The following AMD1 variants were observed in gnomAD, a reference collection of about 807,000 sequenced individuals.
The protein encoded by AMD1 is S-adenosylmethionine decarboxylase proenzyme.
AMD1 carries 11 observed loss-of-function variants against 40.2 expected under a neutral mutation model. The ratio of observed to expected loss-of-function variants is 0.27; its 90% CI spans 0.17 to 0.45. The LOEUF is 0.45. Among genes scored for constraint, AMD1 ranks in the 20% least tolerant of loss-of-function variants. The probability of loss-of-function intolerance (pLI) is 1.00; values close to 1 mark genes in which losing one functional copy is unlikely to be tolerated. For missense variants in AMD1, 257 were observed against 410.2 expected, an observed-to-expected ratio of 0.63 and a Z score of 3.23; for synonymous variants, 121 against 130.8, an observed-to-expected ratio of 0.93 and a Z score of 0.51.
chr6:110,868,145 A>C, the AMD1 span, among the ~76,000 whole-genome samples: 2 of 150,538 alleles, frequency 1.3e-5, no homozygotes, highest in Non-Finnish European at 3.0e-5. Flanking sequence ...TATTTATTTT[A>C]TTATTATTAT....
the AMD1 span, among the ~76,000 whole-genome samples, chr6:110,852,731 T>G: frequency 1.3e-5 from 2 of 152,224 alleles, no homozygotes; most frequent in East Asian, 1.9e-4. Flanking sequence ...AACAAACTTC[T>G]TATGCAAACC....
At chr6:110,814,752 T>G in the AMD1 span, 1 of 639,718 alleles carries the variant, frequency 1.6e-6, no homozygotes, top group East Asian at 3.2e-5. Flanking sequence ...CTCCGAGCAC[T>G]CGGAGGGCGC....
chr6:110,825,386 G>C, the AMD1 span, among the ~76,000 whole-genome samples: 18 of 152,124 alleles, frequency 1.2e-4, 1 homozygote, highest in Non-Finnish European at 2.4e-4. Context: ...CATTTATCAA[G>C]ATCAAATGAT....
Position 110,895,697 on chromosome 6 carries a change from C to A in AMD1, c.*2081C>A, listed in dbSNP as rs1209527923. 1 of 152,582 alleles carries A rather than the reference C, an allele frequency of 6.6e-6. No individual in the cohort carries two copies. The highest frequency in any genetic ancestry group is 6.6e-5 in the Admixed American group (1 of 15,264). 9.5% of individuals were successfully genotyped at this position (152,582 alleles called of 1,614,324 possible). On this transcript the variant is annotated 3_prime_UTR_variant, in exon 9 of 9. Transcript: ENST00000368885. ...TACGCTTCAATAAAAGTTTAATTGTCTAGTGACATTCAGAAACTTTTCTGT... is the reference window on the plus strand; with the variant it reads ...TACGCTTCAATAAAAGTTTAATTGTATAGTGACATTCAGAAACTTTTCTGT...
rs763764381 is a variant in AMD1, at chr6:110,893,531, G to C, written c.920G>C (p.Arg307Pro). ...CCCCAGAAGATTGAAGGTTTTAAGC[G>C]TCTTGATTGCCAGAGTGCTATGTTC... The part of the protein sequence containing the change: ...ASPQKIEGFK[R>P]LDCQSAMFND... Residue 307 changes from arginine (R) to proline (P), a missense_variant, in exon 9 of 9, where the codon CGT (arginine) becomes CCT (proline). Arg to Pro is a moderately radical substitution (Grantham distance 103). Around this residue, in one of 3 missense-constraint regions of AMD1, gnomAD observed 192 missense variants for 296.5 expected, o/e 0.65. Coordinates refer to ENST00000368885, the MANE Select transcript of AMD1 (RefSeq NM_001634.6). 8.1e-6 allele frequency: 13 copies of C among 1,613,992 alleles called. No homozygotes were observed. The East Asian group carries it at 2.7e-4, about 33-fold the overall frequency.
chr6:110,861,764 C>T, the AMD1 span, among the ~76,000 whole-genome samples: 45 of 152,052 alleles, frequency 3.0e-4, no homozygotes, highest in African/African-American at 1.1e-3. Context: ...ATTGCTTGAA[C>T]CTGGGAGGCT....
chr6:110,882,751 G>T (rs1410834946), intron 1 of AMD1, among the ~76,000 whole-genome samples: 1 of 152,172 alleles, frequency 6.6e-6, no homozygotes. Flanking sequence ...GAAAAATTCT[G>T]ATTACCGGAG....
chr6:110,887,146 G>A (rs531429397), intron 1 of AMD1, among the ~76,000 whole-genome samples: 38 of 151,788 alleles, frequency 2.5e-4, no homozygotes, highest in Non-Finnish European at 4.9e-4. Flanking sequence ...TTTTTTAAGT[G>A]TTTCTTAAGG....
chr6:110,842,182 G>C, the AMD1 span, among the ~76,000 whole-genome samples: 1 of 152,144 alleles, frequency 6.6e-6, no homozygotes, highest in African/African-American at 2.4e-5. Context: ...GAGTGTTCAT[G>C]AGTCTCTCAC....
At chr6:110,882,519 T>A (rs961299654) in intron 1 of AMD1, among the ~76,000 whole-genome samples, 5 of 152,214 alleles carry the variant, frequency 3.3e-5, no homozygotes, top group African/African-American at 1.2e-4. Flanking sequence ...ATAGAAATAA[T>A]TTGTGCTGAA....
chr6:110,887,643 T>G, intron 2 of AMD1, 52 bp downstream of exon 2: 2 of 1,288,398 alleles, frequency 1.6e-6, no homozygotes, highest in Non-Finnish European at 2.2e-6. Flanking sequence ...CTAATCATAA[T>G]GTGAAACAGT....
chr6:110,870,706 T>A (rs1784900223), upstream of AMD1, among the ~76,000 whole-genome samples: 1 of 152,210 alleles, frequency 6.6e-6, no homozygotes, highest in Admixed American at 6.5e-5. Context: ...TTTGTTCCTT[T>A]CTTTTTTTCC....
At chr6:110,885,247 G>T (rs1785617533) in intron 1 of AMD1, among the ~76,000 whole-genome samples, 1 of 152,056 alleles carries the variant, frequency 6.6e-6, no homozygotes, top group African/African-American at 2.4e-5. Flanking sequence ...GAGTAGCTGG[G>T]ATTATAGACG....
chr6:110,854,749 A>G, the AMD1 span, among the ~76,000 whole-genome samples: 3 of 151,988 alleles, frequency 2.0e-5, no homozygotes, highest in Non-Finnish European at 4.4e-5. Flanking sequence ...CACCCGGCCA[A>G]ATGTTTGTAA....
chr6:110,894,752 A>G lies in AMD1; in HGVS notation c.*1136A>G, dbSNP rs1483707309. 1 of 152,202 alleles carries G rather than the reference A, an allele frequency of 6.6e-6. No homozygotes were observed. Among genetic ancestry groups the G allele is most frequent in the African/African-American group, 2.4e-5 (1 of 41,450 alleles). The allele number at this position is 152,202 out of a possible 1,614,324, so 9.4% of individuals were successfully genotyped here. ...TTCTATAAACTTTGATCCAAAGCAG[A>G]ATCAATGTCTTTTCCATCTCGTGAC... is the stretch of plus-strand genomic sequence containing the variant. On this transcript the variant is annotated 3_prime_UTR_variant, in exon 9 of 9. Coordinates refer to ENST00000368885, the MANE Select transcript of AMD1 (RefSeq NM_001634.6).
Position 110,890,234 on chromosome 6 carries a change from T to C in AMD1, c.325-20T>C, listed in dbSNP as rs554410125. 3 of 1,503,032 alleles carry C rather than the reference T, an allele frequency of 2.0e-6. No homozygotes were observed. Among genetic ancestry groups the C allele is most frequent in the South Asian group, 2.5e-5 (2 of 80,842 alleles). 93.1% of individuals were successfully genotyped at this position (1,503,032 alleles called of 1,614,324 possible). A position where few individuals can be genotyped will look rare whatever the true frequency, so the allele number is the denominator to read the frequency against. On this transcript the variant is annotated intron_variant, in intron 3 of 8. Coordinates refer to ENST00000368885, the MANE Select transcript of AMD1 (RefSeq NM_001634.6). ...ATCTAAAGTCATCTTTTTTTTTCTT[T>C]CTTTTCTTTTTTAATAAAGAGCTTC...
chr6:110,815,458 A>T, the AMD1 span: 1 of 219,574 alleles, frequency 4.6e-6, no homozygotes, highest in Non-Finnish European at 8.9e-6. Flanking sequence ...CGAGCTCATT[A>T]GCGAACTCAC....
At chr6:110,841,835 C>T in the AMD1 span, among the ~76,000 whole-genome samples, 1 of 151,706 alleles carries the variant, frequency 6.6e-6, no homozygotes, top group Non-Finnish European at 1.5e-5. Context: ...TGGAGACTCA[C>T]TCTGTTCCCC....
At chr6:110,858,163 A>C in the AMD1 span, 6 of 620,164 alleles carry the variant, frequency 9.7e-6, no homozygotes, top group African/African-American at 1.1e-4. Flanking sequence ...ATATCCCTAG[A>C]GGAGTGCGTC....
Sources: gnomAD v4.1 joint callset for allele counts (sites outside exome capture counted in the v4.1 genomes callset) on GRCh38, gnomAD v4.1.1 for gene constraint, gnomAD v4.1.1 regional missense constraint, MANE v1.5 for transcripts, NCBI Gene and HGNC (gene_info 2026-07-23, HGNC 2026-07-21) for gene names.